The following TMEM255B variants were observed in gnomAD, a reference collection of about 807,000 sequenced individuals.
TMEM255B encodes transmembrane protein 255B.
In TMEM255B, 35 loss-of-function variants were observed where a neutral mutation model predicts 34.5. That is an observed-to-expected ratio of 1.01 (90% CI 0.77 to 1.34). The LOEUF is 1.34. Ranked by LOEUF, TMEM255B falls within the 40% of genes most tolerant of loss-of-function variation. The pLI is 0.00. For missense variants in TMEM255B, 432 were observed against 433.2 expected, an observed-to-expected ratio of 1.00 and a Z score of 0.02; for synonymous variants, 206 against 201.2, an observed-to-expected ratio of 1.02 and a Z score of -0.20.
chr13:113,766,399 G>T (rs534233663), intron 2 of TMEM255B, 142 bp downstream of exon 2: 5 of 1,211,414 alleles, frequency 4.1e-6, no homozygotes, highest in South Asian at 1.2e-5. Context: ...CAGGGTTATG[G>T]CCCCCACAGA....
Position 113,807,059 on chromosome 13 carries a change from G to T in TMEM255B, c.813+2031G>T, listed in dbSNP as rs373498777. Among the ~76,000 whole-genome samples the T allele has an allele frequency of 7.2e-5, 11 of 152,292 alleles. No individual in the cohort carries two copies. The East Asian group carries it at 2.1e-3, about 29-fold the overall frequency. On this transcript the variant is annotated intron_variant, in intron 8 of 8. Transcript: ENST00000375353. ...TCCATCAGCCCCTTCCTCTTCTCTG[G>T]CTCCAGGGCTGGTTTGGGCCGCCCT...
At chr13:113,807,495 G>T (rs1205317057) in intron 8 of TMEM255B, among the ~76,000 whole-genome samples, 1 of 134,626 alleles carries the variant, frequency 7.4e-6, no homozygotes, top group Non-Finnish European at 1.6e-5. Context: ...GGGCTTATGG[G>T]ATGTGGAGGG....
At chr13:113,778,374 T>C (rs2050613159) in intron 3 of TMEM255B, among the ~76,000 whole-genome samples, 1 of 152,232 alleles carries the variant, frequency 6.6e-6, no homozygotes, top group Non-Finnish European at 1.5e-5. Flanking sequence ...TGTGGTGCCA[T>C]GGCGTCTTCT....
At chr13:113,782,065 A>C (rs1381025506) in intron 3 of TMEM255B, among the ~76,000 whole-genome samples, 1 of 152,246 alleles carries the variant, frequency 6.6e-6, no homozygotes, top group Non-Finnish European at 1.5e-5. Flanking sequence ...AAAGCATTTA[A>C]TAAACCTAAT....
At chr13:113,773,272 T>A (rs2050505999) in intron 3 of TMEM255B, among the ~76,000 whole-genome samples, 2 of 152,254 alleles carry the variant, frequency 1.3e-5, no homozygotes, top group African/African-American at 4.8e-5. Flanking sequence ...GTTGACTTTG[T>A]ATGTTGATCT....
intron 8 of TMEM255B, among the ~76,000 whole-genome samples, chr13:113,807,803 T>A (rs1384932013): frequency 1.5e-5 from 2 of 134,306 alleles, no homozygotes; most frequent in Non-Finnish European, 3.2e-5. Flanking sequence ...GTCCTCCCTA[T>A]CACAGGAGGG....
Position 113,815,641 on chromosome 13 carries a change from T to A in TMEM255B, c.*3738T>A, listed in dbSNP as rs1445395919. ...TCTCTTGCTCCTGCCGTGTAAGAAG[T>A]GCCTTTTGCCTCCCACCGTGATTCT... On this transcript the variant is annotated 3_prime_UTR_variant, in exon 9 of 9. Transcript: ENST00000375353. 6.5e-6 allele frequency: 1 copy of A among 153,558 alleles called. No homozygotes were observed. The highest frequency in any genetic ancestry group is 6.5e-5 in the Admixed American group (1 of 15,302). 9.5% of individuals were successfully genotyped at this position (153,558 alleles called of 1,614,324 possible). A position where few individuals can be genotyped will look rare whatever the true frequency, so the allele number is the denominator to read the frequency against.
chr13:113,800,098 G>A, intron 5 of TMEM255B: 1 of 1,165,892 alleles, frequency 8.6e-7, no homozygotes, highest in Non-Finnish European at 1.1e-6. Context: ...GTGTGTGTGG[G>A]GGGGGGTAGG....
At chr13:113,797,902 C>T (rs1239389757) in intron 4 of TMEM255B, among the ~76,000 whole-genome samples, 1 of 152,214 alleles carries the variant, frequency 6.6e-6, no homozygotes, top group African/African-American at 2.4e-5. Flanking sequence ...AAGCACTTTG[C>T]AATGGTCAGT....
intron 2 of TMEM255B, chr13:113,768,271 T>C (rs1190119784): frequency 2.1e-6 from 1 of 467,176 alleles, no homozygotes; most frequent in East Asian, 7.0e-5. Flanking sequence ...TTTCGGTGGG[T>C]GTTGCTGAAA....
chr13:113,791,504 G>A (rs903295318), intron 3 of TMEM255B, among the ~76,000 whole-genome samples: 3 of 152,184 alleles, frequency 2.0e-5, no homozygotes, highest in Non-Finnish European at 4.4e-5. Context: ...TGGGAGCGAC[G>A]TCGTGTGGAC....
intron 3 of TMEM255B, among the ~76,000 whole-genome samples, chr13:113,774,104 A>C (rs2050519763): frequency 6.9e-6 from 1 of 145,808 alleles, no homozygotes. Context: ...CAACTCCATC[A>C]CTTGTCCTGT....
At chr13:113,782,596 T>A (rs2050679952) in intron 3 of TMEM255B, among the ~76,000 whole-genome samples, 1 of 144,426 alleles carries the variant, frequency 6.9e-6, no homozygotes, top group Admixed American at 7.3e-5. Context: ...TCACTGGACA[T>A]GGGGGCGCAG....
At chr13:113,809,309 T>C (rs1480059057) in intron 8 of TMEM255B, among the ~76,000 whole-genome samples, 1 of 30,860 alleles carries the variant, frequency 3.2e-5, no homozygotes, top group African/African-American at 1.5e-4. Context: ...CTGTGGTTCC[T>C]GGGGGTTTAC....
At chr13:113,799,495 T>C in intron 5 of TMEM255B, 76 bp downstream of exon 5, 2 of 1,373,086 alleles carry the variant, frequency 1.5e-6, no homozygotes, top group Non-Finnish European at 2.1e-6. Flanking sequence ...TCCCTGCACA[T>C]AGGCGTGGTC....
At chr13:113,781,581 C>A (rs1391608038) in intron 3 of TMEM255B, among the ~76,000 whole-genome samples, 1 of 152,230 alleles carries the variant, frequency 6.6e-6, no homozygotes, top group African/African-American at 2.4e-5. Flanking sequence ...AAATGATGTA[C>A]TAGGTGTGAA....
At chr13:113,792,543 C>T (rs961501569) in intron 3 of TMEM255B, among the ~76,000 whole-genome samples, 2 of 152,240 alleles carry the variant, frequency 1.3e-5, no homozygotes, top group African/African-American at 4.8e-5. Flanking sequence ...TGCAATGAGG[C>T]CTTCCTTGTG....
chr13:113,798,615 G>GATGGAAGT, intron 4 of TMEM255B, among the ~76,000 whole-genome samples: 1 of 151,228 alleles, frequency 6.6e-6, no homozygotes, highest in Non-Finnish European at 1.5e-5. Flanking sequence ...TGGATGGAAG[G>GATGGAAGT]ATGGATGACA....
chr13:113,812,301 T>G lies in TMEM255B; in HGVS notation c.*398T>G, dbSNP rs2051327975. On this transcript the variant is annotated 3_prime_UTR_variant, in exon 9 of 9. Coordinates refer to ENST00000375353, the MANE Select transcript of TMEM255B (RefSeq NM_182614.4). ...GTGGACATGTGTTGTGCGTTACACG[T>G]TCGTGTGTGCATCTGTGTCCTGGAG... The G allele has an allele frequency of 4.7e-6, 1 of 212,920 alleles. No homozygotes were observed. The highest frequency in any genetic ancestry group is 8.0e-5 in the South Asian group (1 of 12,458). 13.2% of individuals were successfully genotyped at this position (212,920 alleles called of 1,614,324 possible). A position where few individuals can be genotyped will look rare whatever the true frequency, so the allele number is the denominator to read the frequency against.
Sources: gnomAD v4.1 joint callset for allele counts (sites outside exome capture counted in the v4.1 genomes callset) on GRCh38, gnomAD v4.1.1 for gene constraint, MANE v1.5 for transcripts, NCBI Gene and HGNC (gene_info 2026-07-23, HGNC 2026-07-21) for gene names.